Variants in CHD7 observed in about 807,000 individuals in gnomAD.
CHD7 encodes chromodomain helicase DNA binding protein 7.
A neutral mutation model predicts 307.3 loss-of-function variants in CHD7; 24 were observed. The observed-to-expected ratio is 0.08, with a 90% CI of 0.06 to 0.11. The LOEUF is 0.11. CHD7 is among the 10% of genes least tolerant of loss of function. The pLI is 1.00. For missense variants in CHD7, 3,106 were observed against 3,727.1 expected (o/e 0.83, Z 4.34); for synonymous variants, 1,363 against 1,349.9 (o/e 1.01, Z -0.21).
chr8:60,847,872 C>A (rs1190189995), intron 23 of CHD7, among the ~76,000 whole-genome samples: 1 of 151,354 alleles, frequency 6.6e-6, no homozygotes, highest in East Asian at 1.9e-4. Context: ...CTTAGGTTCC[C>A]AGGTACAGTA....
chr8:60,727,981 A>G (rs1808257807), intron 1 of CHD7, among the ~76,000 whole-genome samples: 1 of 152,206 alleles, frequency 6.6e-6, no homozygotes, highest in African/African-American at 2.4e-5. Flanking sequence ...TCTCTTGAGT[A>G]TGTCTGTCTC....
At chr8:60,680,365 G>GGCGGGCGCGGCGGC (rs1805545299) in intron 1 of CHD7, among the ~76,000 whole-genome samples, 1 of 142,080 alleles carries the variant, frequency 7.0e-6, no homozygotes, top group Admixed American at 6.9e-5. Context: ...TGCGGTGCGG[G>GGCGGGCGCGGCGGC]GCGGGCGCGG....
At chr8:60,809,166 T>A (rs1812676122) in intron 7 of CHD7, among the ~76,000 whole-genome samples, 1 of 152,208 alleles carries the variant, frequency 6.6e-6, no homozygotes, top group Admixed American at 6.5e-5. Flanking sequence ...TAGTTGGCAC[T>A]GTTAATAAAT....
intron 3 of CHD7, among the ~76,000 whole-genome samples, chr8:60,789,232 C>T (rs1047930241): frequency 6.6e-6 from 1 of 152,208 alleles, no homozygotes; most frequent in Non-Finnish European, 1.5e-5. Flanking sequence ...GCATCACATT[C>T]TGTGTGGCAT....
chr8:60,768,389 C>T (rs1810569994), intron 2 of CHD7, among the ~76,000 whole-genome samples: 1 of 152,186 alleles, frequency 6.6e-6, no homozygotes, highest in Admixed American at 6.5e-5. Context: ...AATATTAAAT[C>T]CTTCAAGGTT....
intron 7 of CHD7, among the ~76,000 whole-genome samples, chr8:60,815,182 T>C (rs1185705164): frequency 2.6e-5 from 4 of 152,234 alleles, no homozygotes; most frequent in Non-Finnish European, 2.9e-5. Flanking sequence ...GTCCTATCTT[T>C]GCAAATCATA....
intron 7 of CHD7, among the ~76,000 whole-genome samples, chr8:60,812,347 T>G (rs1359260601): frequency 2.0e-5 from 3 of 152,172 alleles, no homozygotes; most frequent in African/African-American, 7.2e-5. Context: ...CTTTTTCAAT[T>G]GTTGTTCTAG....
Position 60,850,642 on chromosome 8 carries a change from A to C in CHD7, c.5534+20A>C. 1 of 1,597,220 alleles carries C rather than the reference A, an allele frequency of 6.3e-7. No individual in the cohort carries two copies. Among genetic ancestry groups the C allele is most frequent in the Non-Finnish European group, 8.5e-7 (1 of 1,171,296 alleles). ...TGACGGGTAAGAAGGACATTTTAAA[A>C]TTTGAATAAACTTTATGTCAGTTTC... On this transcript the variant is annotated intron_variant, in intron 26 of 37. Transcript: ENST00000423902.
chr8:60,748,499 G>A (rs956020581), intron 2 of CHD7, among the ~76,000 whole-genome samples: 6 of 152,176 alleles, frequency 3.9e-5, no homozygotes, highest in Admixed American at 6.5e-5. Flanking sequence ...CCAGGAGTAC[G>A]AAGAGGGTGG....
chr8:60,812,550 G>A (rs1812861601), intron 7 of CHD7, among the ~76,000 whole-genome samples: 1 of 151,660 alleles, frequency 6.6e-6, no homozygotes, highest in African/African-American at 2.4e-5. Context: ...TGTAATCCCA[G>A]CTACTCGGGA....
At chr8:60,725,443 T>C (rs1808118160) in intron 1 of CHD7, among the ~76,000 whole-genome samples, 2 of 152,220 alleles carry the variant, frequency 1.3e-5, no homozygotes, top group Admixed American at 6.5e-5. Flanking sequence ...TATTTTATAT[T>C]GCTAAGCATA....
chr8:60,749,030 C>G (rs1426488899), intron 2 of CHD7, among the ~76,000 whole-genome samples: 1 of 150,026 alleles, frequency 6.7e-6, no homozygotes, highest in Admixed American at 6.6e-5. Context: ...TGGTAAATCT[C>G]AAGTAGCATC....
At chr8:60,826,722 G>A (rs1242653988) in intron 13 of CHD7, among the ~76,000 whole-genome samples, 1 of 152,222 alleles carries the variant, frequency 6.6e-6, no homozygotes, top group African/African-American at 2.4e-5. Flanking sequence ...CTCCACAGGA[G>A]CTCTGGGAAA....
In CHD7 at chr8:60,853,324, G is replaced by A. The variant is rs1181074057; in HGVS notation, c.6599G>A (p.Gly2200Glu). 1 of 1,599,906 alleles carries A rather than the reference G, an allele frequency of 6.3e-7. No homozygotes were observed. The highest frequency in any genetic ancestry group is 8.5e-7 in the Non-Finnish European group (1 of 1,172,318). ...KEEEEETDGS[G>E]KESKQECEAE... ...GAGGAAGAAGAAACCGATGGCAGCGGGAAGGAGAGCAAGCAGGAATGTGAG... is the reference window on the plus strand; with the variant it reads ...GAGGAAGAAGAAACCGATGGCAGCGAGAAGGAGAGCAAGCAGGAATGTGAG... Residue 2200 changes from glycine (G) to glutamate (E), a missense_variant, in exon 31 of 38, where the codon GGG becomes GAG. Gly to Glu is a moderately conservative substitution (Grantham distance 98). Transcript: ENST00000423902.
At chr8:60,836,565 G>A (rs1223431383) in intron 16 of CHD7, among the ~76,000 whole-genome samples, 1 of 152,140 alleles carries the variant, frequency 6.6e-6, no homozygotes, top group Non-Finnish European at 1.5e-5. Context: ...TTATCTTACT[G>A]TTATAGGTGT....
chr8:60,794,915 A>T, intron 3 of CHD7, 71 bp from the exon 4 acceptor site: 8 of 1,370,936 alleles, frequency 5.8e-6, no homozygotes, highest in Non-Finnish European at 8.0e-6. Context: ...TGGGATATTA[A>T]TGTGGGAAAT....
intron 2 of CHD7, among the ~76,000 whole-genome samples, chr8:60,757,084 T>C (rs1321373439): frequency 2.0e-5 from 3 of 152,188 alleles, no homozygotes; most frequent in African/African-American, 7.2e-5. Flanking sequence ...TTTCCCACAT[T>C]CTGCTGGGAT....
chr8:60,860,772 A>G (rs1328524358), intron 34 of CHD7, 132 bp from the exon 35 acceptor site: 3 of 738,424 alleles, frequency 4.1e-6, no homozygotes, highest in Non-Finnish European at 6.6e-6. Flanking sequence ...CCAAACAACT[A>G]GACATTGTTT....
chr8:60,812,396 G>T (rs1016629391), intron 7 of CHD7, among the ~76,000 whole-genome samples: 6 of 152,094 alleles, frequency 3.9e-5, no homozygotes, highest in Non-Finnish European at 7.4e-5. Context: ...CAGGCACAGT[G>T]GCTCATGCCT....
Sources: gnomAD v4.1 joint callset for allele counts (sites outside exome capture counted in the v4.1 genomes callset) on GRCh38, gnomAD v4.1.1 for gene constraint, MANE v1.5 for transcripts, NCBI Gene and HGNC (gene_info 2026-07-23, HGNC 2026-07-21) for gene names.